The following COPG2 variants were observed in gnomAD, a reference collection of about 807,000 sequenced individuals.
The protein encoded by COPG2 is coat protein complex I subunit gamma 2, also known as coatomer subunit gamma-2.
Under a neutral mutation model 46.3 loss-of-function variants are expected in COPG2, and 37 were observed. The ratio of observed to expected loss-of-function variants is 0.80; its 90% CI spans 0.61 to 1.05. COPG2 has a LOEUF of 1.05. COPG2 is among the 50% of genes least tolerant of loss of function. COPG2 has a pLI of 0.00. For missense variants in COPG2, 427 were observed against 387.8 expected (o/e 1.10, Z -0.85); for synonymous variants, 159 against 129.7 (o/e 1.23, Z -1.53).
At chr7:130,507,586 G>GTT (rs79621845) in intron 22 of COPG2, 99 bp downstream of exon 22, 1,239 of 567,532 alleles carry the variant, frequency 2.2e-3, no homozygotes, top group South Asian at 4.4e-3. Flanking sequence ...GATTTATGAA[G>GTT]TTTTTTTTTT....
intron 20 of COPG2, among the ~76,000 whole-genome samples, chr7:130,512,907 A>G (rs919917953): frequency 1.3e-5 from 2 of 152,178 alleles, no homozygotes; most frequent in Admixed American, 6.5e-5. Flanking sequence ...GAATGAAAAT[A>G]TCACAGGGGA....
intron 6 of COPG2, 106 bp from the exon 7 acceptor site, chr7:130,613,742 G>A: frequency 1.3e-6 from 1 of 747,546 alleles, no homozygotes; most frequent in Non-Finnish European, 2.3e-6. Flanking sequence ...ATTTGTTTCT[G>A]TGCAAATATT....
Position 130,552,396 on chromosome 7 carries a change from C to T in COPG2, c.1503G>A (p.Gln501=), listed in dbSNP as rs994893734. 2.5e-6 allele frequency: 1 copy of T among 398,298 alleles called. No individual in the cohort carries two copies. The highest frequency in any genetic ancestry group is 1.3e-4 in the South Asian group (1 of 7,842). The allele number at this position is 398,298 out of a possible 1,614,324, so 24.7% of individuals were successfully genotyped here. The change falls in exon 15 of 24, where the codon CAG becomes CAA. Residue 501 remains glutamine (Q), a synonymous_variant. Coordinates refer to ENST00000425248, the MANE Select transcript of COPG2 (RefSeq NM_012133.6). ...AVSALAKFGA[Q]NESLLPSILV... Reference sequence around the variant, plus strand: ...GGATGCTTGGGAGAAGACTCTCATTCTGAGCCCCAAATTTAGCCAAAGCAC... The same window carrying T: ...GGATGCTTGGGAGAAGACTCTCATTTTGAGCCCCAAATTTAGCCAAAGCAC...
At chr7:130,524,542 C>G (rs1490126031) in intron 20 of COPG2, among the ~76,000 whole-genome samples, 2 of 151,998 alleles carry the variant, frequency 1.3e-5, no homozygotes, top group African/African-American at 4.8e-5. Context: ...TGGAGCCCAG[C>G]AGCTAAGAGA....
intron 5 of COPG2, among the ~76,000 whole-genome samples, chr7:130,633,760 T>C (rs1207228176): frequency 6.6e-6 from 1 of 152,222 alleles, no homozygotes; most frequent in African/African-American, 2.4e-5. Flanking sequence ...TTTGTTGCCA[T>C]TGCTTTTGGT....
rs1554440312 is a variant in COPG2, at chr7:130,507,351, GTGA to G, written c.2405_2407del (p.Ile802del). 1.3e-6 allele frequency: 1 copy of G among 780,714 alleles called. No individual in the cohort carries two copies. 48.4% of individuals were successfully genotyped at this position (780,714 alleles called of 1,614,324 possible). A position where few individuals can be genotyped will look rare whatever the true frequency, so the allele number is the denominator to read the frequency against. On this transcript the variant is annotated inframe_deletion, in exon 23 of 24. Transcript: ENST00000425248. ...CTCACATGGCTGCATGCCCAGAAATGTGATGATATTGTTGACAGCCTCTGTGTT... is the reference window on the plus strand; with the variant it reads ...CTCACATGGCTGCATGCCCAGAAATGTGATATTGTTGACAGCCTCTGTGTT...
At chr7:130,534,942 A>G (rs1799863839) in intron 20 of COPG2, among the ~76,000 whole-genome samples, 1 of 152,108 alleles carries the variant, frequency 6.6e-6, no homozygotes, top group African/African-American at 2.4e-5. Context: ...ACAGAAAGAG[A>G]AAAGAGGAAA....
chr7:130,552,480 T>TC, intron 14 of COPG2, 50 bp from the exon 15 acceptor site: 1 of 398,084 alleles, frequency 2.5e-6, no homozygotes. Flanking sequence ...TTCTCAGAGT[T>TC]AACCAATAAC....
intron 9 of COPG2, among the ~76,000 whole-genome samples, chr7:130,569,673 TAGAG>T (rs1793861941): frequency 2.0e-5 from 3 of 152,184 alleles, no homozygotes; most frequent in South Asian, 4.1e-4. Flanking sequence ...TTCCAAAAGA[TAGAG>T]AAAGAGTGAA....
At chr7:130,648,106 A>G (rs1554458561) in intron 5 of COPG2, among the ~76,000 whole-genome samples, 1 of 152,112 alleles carries the variant, frequency 6.6e-6, no homozygotes, top group Non-Finnish European at 1.5e-5. Context: ...GGCCATTTGC[A>G]TATATTCTTT....
intron 4 of COPG2, among the ~76,000 whole-genome samples, chr7:130,657,388 T>C (rs1036926389): frequency 4.6e-5 from 7 of 152,114 alleles, no homozygotes; most frequent in South Asian, 2.1e-4. Context: ...CAAAAATCAA[T>C]ATGAAATGGA....
intron 14 of COPG2, among the ~76,000 whole-genome samples, chr7:130,552,656 A>G (rs1206411260): frequency 6.6e-6 from 1 of 152,182 alleles, no homozygotes; most frequent in Admixed American, 6.5e-5. Flanking sequence ...ATTGAGGAAA[A>G]AGATTCATAT....
chr7:130,536,301 T>C (rs1290381514), intron 20 of COPG2, among the ~76,000 whole-genome samples: 2 of 151,752 alleles, frequency 1.3e-5, no homozygotes, highest in African/African-American at 4.8e-5. Context: ...AAATACTAAA[T>C]GCTAGAAATA....
chr7:130,660,412 A>G (rs887077925), intron 4 of COPG2, among the ~76,000 whole-genome samples: 5 of 152,004 alleles, frequency 3.3e-5, no homozygotes, highest in African/African-American at 1.2e-4. Flanking sequence ...TTTTTCTTTA[A>G]CTGAAACCTG....
At chr7:130,623,090 A>G (rs1407721557) in intron 5 of COPG2, among the ~76,000 whole-genome samples, 1 of 152,130 alleles carries the variant, frequency 6.6e-6, no homozygotes, top group Non-Finnish European at 1.5e-5. Flanking sequence ...CTGACATGGG[A>G]GTGTCAGCTG....
chr7:130,551,199 C>G (rs1222618804), intron 16 of COPG2, 42 bp downstream of exon 16: 3 of 398,166 alleles, frequency 7.5e-6, no homozygotes, highest in East Asian at 7.1e-5. Context: ...TTCCAAGACA[C>G]CATTTGAGGA....
chr7:130,510,118 G>T, intron 20 of COPG2: 2 of 520,184 alleles, frequency 3.8e-6, no homozygotes, highest in Non-Finnish European at 7.7e-6. Flanking sequence ...GAGATTGAAA[G>T]GTTAGAGATA....
intron 5 of COPG2, among the ~76,000 whole-genome samples, chr7:130,652,665 T>C (rs1279864937): frequency 6.6e-6 from 1 of 152,230 alleles, no homozygotes; most frequent in African/African-American, 2.4e-5. Context: ...AATCTATCAG[T>C]ATTATCTTTT....
intron 5 of COPG2, chr7:130,645,314 G>T: frequency 1.7e-6 from 1 of 595,254 alleles, no homozygotes; most frequent in Non-Finnish European, 3.3e-6. Context: ...TGGGAGTTTT[G>T]TAGTAATTCT....
Sources: gnomAD v4.1 joint callset for allele counts (sites outside exome capture counted in the v4.1 genomes callset) on GRCh38, gnomAD v4.1.1 for gene constraint, MANE v1.5 for transcripts, NCBI Gene and HGNC (gene_info 2026-07-23, HGNC 2026-07-21) for gene names.